The following LRRC4C variants were observed in gnomAD, a reference collection of about 807,000 sequenced individuals.
LRRC4C encodes leucine rich repeat containing 4C.
A neutral mutation model predicts 33.6 loss-of-function variants in LRRC4C; 5 were observed. The ratio of observed to expected loss-of-function variants is 0.15; its 90% CI spans 0.08 to 0.31. The LOEUF (loss-of-function observed/expected upper bound fraction) is 0.31. Among genes scored for constraint, LRRC4C ranks in the 10% least tolerant of loss-of-function variants. The pLI, the probability that LRRC4C is intolerant of heterozygous loss-of-function variation, is 1.00. For missense variants in LRRC4C, 560 were observed against 796.7 expected, an observed-to-expected ratio of 0.70 and a Z score of 3.58; for synonymous variants, 329 against 302.0, an observed-to-expected ratio of 1.09 and a Z score of -0.93.
At chr11:40,744,577 C>G (rs1326725268) in intron 2 of LRRC4C, among the ~76,000 whole-genome samples, 1 of 152,122 alleles carries the variant, frequency 6.6e-6, no homozygotes, top group African/African-American at 2.4e-5. Flanking sequence ...GCCATTCCAT[C>G]TGATTTTGCT....
chr11:41,159,095 G>T (rs899792654), intron 1 of LRRC4C, among the ~76,000 whole-genome samples: 1 of 151,998 alleles, frequency 6.6e-6, no homozygotes, highest in Non-Finnish European at 1.5e-5. Flanking sequence ...GACTAGCCAG[G>T]GCAACATAGG....
chr11:41,366,451 T>C (rs1392705085), intron 1 of LRRC4C, among the ~76,000 whole-genome samples: 1 of 152,188 alleles, frequency 6.6e-6, no homozygotes, highest in Non-Finnish European at 1.5e-5. Context: ...ACAGGGTAAT[T>C]TGAAACATCT....
intron 1 of LRRC4C, among the ~76,000 whole-genome samples, chr11:40,948,867 C>T (rs1398623757): frequency 5.9e-5 from 9 of 151,846 alleles, no homozygotes; most frequent in Admixed American, 1.3e-4. Flanking sequence ...ATTTATAGTC[C>T]TTTGGGTATA....
chr11:40,539,415 CATT>C (rs1385355376), intron 3 of LRRC4C, among the ~76,000 whole-genome samples: 4 of 152,110 alleles, frequency 2.6e-5, no homozygotes, highest in African/African-American at 9.7e-5. Flanking sequence ...TAGATTGACT[CATT>C]TATCTGTATA....
chr11:40,359,162 A>G (rs1427238214), intron 3 of LRRC4C, among the ~76,000 whole-genome samples: 1 of 152,216 alleles, frequency 6.6e-6, no homozygotes, highest in Non-Finnish European at 1.5e-5. Context: ...GAACTAATTC[A>G]TTATTGAAAA....
intron 1 of LRRC4C, among the ~76,000 whole-genome samples, chr11:41,321,936 T>C (rs1194634144): frequency 1.3e-5 from 2 of 152,008 alleles, no homozygotes; most frequent in Non-Finnish European, 2.9e-5. Context: ...GTGATCTCAG[T>C]TCACTGCAAC....
chr11:40,286,116 C>T (rs151277368), intron 4 of LRRC4C, among the ~76,000 whole-genome samples: 53 of 152,240 alleles, frequency 3.5e-4, no homozygotes, highest in Middle Eastern at 3.4e-3. Flanking sequence ...AAGTGGATGC[C>T]TGAAAACACT....
intron 3 of LRRC4C, among the ~76,000 whole-genome samples, chr11:40,477,253 T>G (rs895445716): frequency 6.6e-6 from 1 of 152,052 alleles, no homozygotes; most frequent in Non-Finnish European, 1.5e-5. Flanking sequence ...AAAGGAAGAG[T>G]GCCACCCACT....
chr11:40,664,670 G>A (rs776916077), intron 2 of LRRC4C, among the ~76,000 whole-genome samples: 7 of 151,904 alleles, frequency 4.6e-5, no homozygotes, highest in East Asian at 1.9e-4. Flanking sequence ...AAATGTAGGC[G>A]TAATGATTTT....
chr11:40,453,719 G>A (rs1691206257), intron 3 of LRRC4C, among the ~76,000 whole-genome samples: 1 of 151,532 alleles, frequency 6.6e-6, no homozygotes, highest in Admixed American at 6.6e-5. Flanking sequence ...AAAAAGATTT[G>A]TATATGCACA....
intron 1 of LRRC4C, among the ~76,000 whole-genome samples, chr11:41,022,933 T>A (rs954418338): frequency 5.9e-5 from 9 of 151,964 alleles, no homozygotes; most frequent in Non-Finnish European, 1.2e-4. Context: ...AGGTCAGAGG[T>A]TAGTGCCAGT....
chr11:41,413,076 G>C (rs1954550007), intron 1 of LRRC4C, among the ~76,000 whole-genome samples: 1 of 140,402 alleles, frequency 7.1e-6, no homozygotes, highest in African/African-American at 2.6e-5. Flanking sequence ...TACTTCCATT[G>C]CTGTTGAGCT....
chr11:41,134,769 C>A (rs572830448), intron 1 of LRRC4C, among the ~76,000 whole-genome samples: 2 of 152,016 alleles, frequency 1.3e-5, no homozygotes, highest in Non-Finnish European at 2.9e-5. Context: ...GACTTCATTT[C>A]AAAATAAAGG....
intron 3 of LRRC4C, among the ~76,000 whole-genome samples, chr11:40,620,895 C>A (rs567549520): frequency 6.6e-6 from 1 of 151,750 alleles, no homozygotes; most frequent in Non-Finnish European, 1.5e-5. Context: ...AATATTTATC[C>A]TCAATTCACA....
chr11:40,240,850 G>A (rs1432000806), intron 5 of LRRC4C, among the ~76,000 whole-genome samples: 2 of 152,036 alleles, frequency 1.3e-5, no homozygotes, highest in African/African-American at 4.8e-5. Flanking sequence ...GTGTTAGGAT[G>A]TTTATAGTTT....
At chr11:40,497,865 A>C (rs1175037642) in intron 3 of LRRC4C, among the ~76,000 whole-genome samples, 1 of 152,214 alleles carries the variant, frequency 6.6e-6, no homozygotes, top group Non-Finnish European at 1.5e-5. Flanking sequence ...CAAAGACCTC[A>C]GTTCTTATAA....
intron 4 of LRRC4C, among the ~76,000 whole-genome samples, chr11:40,279,712 G>A (rs1943343704): frequency 6.6e-6 from 1 of 152,134 alleles, no homozygotes; most frequent in African/African-American, 2.4e-5. Flanking sequence ...ACAGATCTAA[G>A]AGGTAACAGA....
chr11:40,248,429 A>G (rs930153042), intron 4 of LRRC4C, among the ~76,000 whole-genome samples: 14 of 152,136 alleles, frequency 9.2e-5, no homozygotes, highest in African/African-American at 3.4e-4. Flanking sequence ...GTCTCCCTCC[A>G]CTGGGTAACA....
rs981149799 is a variant in LRRC4C, at chr11:40,707,473, G to A, written c.-406-59195C>T. On this transcript the variant is annotated intron_variant, in intron 2 of 6. Coordinates refer to ENST00000528697, the MANE Select transcript of LRRC4C (RefSeq NM_001258419.2). Reference sequence around the variant, plus strand: ...TCTGCACCTATTGAGATAATCATGTGGTTTTTGTCTTTGGTTTTGTTTATG... The same window carrying A: ...TCTGCACCTATTGAGATAATCATGTAGTTTTTGTCTTTGGTTTTGTTTATG... 3.3e-5 allele frequency among the ~76,000 whole-genome samples: 5 copies of A among 152,072 alleles called. No individual in the cohort carries two copies. The East Asian group carries it at 9.6e-4, about 29-fold the overall frequency.
Sources: allele counts gnomAD v4.1 joint callset (sites outside exome capture counted in the v4.1 genomes callset), GRCh38; gene constraint gnomAD v4.1.1; transcripts MANE v1.5; gene names NCBI Gene and HGNC (gene_info 2026-07-23, HGNC 2026-07-21).